Variants in ZBTB20 observed in about 807,000 individuals in gnomAD.
The protein encoded by ZBTB20 is zinc finger and BTB domain containing 20.
In ZBTB20, 9 loss-of-function variants were observed where a neutral mutation model predicts 56.9. The ratio of observed to expected loss-of-function variants is 0.16; its 90% CI spans 0.10 to 0.28. The LOEUF is 0.28. ZBTB20 is among the 10% of genes least tolerant of loss of function. The pLI is 1.00. For missense variants in ZBTB20, 655 were observed against 1,003.0 expected (o/e 0.65, Z 4.69); for synonymous variants, 417 against 420.7 (o/e 0.99, Z 0.11).
intron 6 of ZBTB20, among the ~76,000 whole-genome samples, chr3:114,504,526 A>G (rs561377621): frequency 6.6e-6 from 1 of 152,346 alleles, no homozygotes; most frequent in East Asian, 1.9e-4. Context: ...TACTTCTTCA[A>G]TGTTATACCA....
At chr3:114,583,325 A>C (rs1484410062) in intron 6 of ZBTB20, among the ~76,000 whole-genome samples, 1 of 152,232 alleles carries the variant, frequency 6.6e-6, no homozygotes, top group African/African-American at 2.4e-5. Flanking sequence ...GTTTCGCATA[A>C]GTGAAAAATA....
intron 2 of ZBTB20, 46 bp downstream of exon 2, chr3:115,071,173 A>G (rs2082396706): frequency 6.6e-6 from 1 of 152,176 alleles, no homozygotes; most frequent in Non-Finnish European, 1.5e-5. Context: ...TCATTTCACA[A>G]ATGACAAGGC....
chr3:114,422,828 G>A (rs958866166), intron 7 of ZBTB20, among the ~76,000 whole-genome samples: 3 of 152,044 alleles, frequency 2.0e-5, no homozygotes, highest in Non-Finnish European at 4.4e-5. Context: ...ATTGATGGAT[G>A]AGATGAAATT....
At chr3:114,479,528 T>A (rs2041282165) in intron 7 of ZBTB20, among the ~76,000 whole-genome samples, 1 of 152,244 alleles carries the variant, frequency 6.6e-6, no homozygotes, top group African/African-American at 2.4e-5. Flanking sequence ...GTTAGAAGTA[T>A]GGGCTCTAAA....
At chr3:115,119,349 A>G (rs2084115071) in intron 1 of ZBTB20, among the ~76,000 whole-genome samples, 2 of 152,200 alleles carry the variant, frequency 1.3e-5, no homozygotes. Context: ...GAGGGAAATA[A>G]AAGGACCTAT....
intron 1 of ZBTB20, among the ~76,000 whole-genome samples, chr3:115,111,253 C>G (rs1369346783): frequency 6.6e-6 from 1 of 151,920 alleles, no homozygotes; most frequent in African/African-American, 2.4e-5. Flanking sequence ...AGTATCTCAC[C>G]AGTTGAGAAA....
At position 114,689,510 on chromosome 3, in the gene ZBTB20, G is replaced by A. The variant is rs747860336; in HGVS notation, c.-295+4018C>T. On this transcript the variant is annotated intron_variant, in intron 6 of 11. Transcript: ENST00000675478. ...GAAATGTCTTATAGCTTGAGGATAC[G>A]TGAGGTCACAAATGTAACAACAACT... is the stretch of plus-strand genomic sequence containing the variant. Among the ~76,000 whole-genome samples the A allele has an allele frequency of 1.6e-4, 24 of 152,058 alleles. 1 individual carries two copies. The highest frequency in any genetic ancestry group is 3.2e-4 in the Non-Finnish European group (22 of 68,010).
At chr3:114,650,627 G>A (rs2060080260) in intron 6 of ZBTB20, among the ~76,000 whole-genome samples, 1 of 151,748 alleles carries the variant, frequency 6.6e-6, no homozygotes, top group African/African-American at 2.4e-5. Flanking sequence ...CTTTTTAAAG[G>A]TCTTGGACAT....
At chr3:114,414,792 AT>A (rs1349147784) in intron 7 of ZBTB20, among the ~76,000 whole-genome samples, 2 of 148,528 alleles carry the variant, frequency 1.3e-5, no homozygotes, top group African/African-American at 2.4e-5. Flanking sequence ...AATACTATAT[AT>A]TTTATATAAA....
chr3:114,919,691 C>A (rs1489878115), intron 3 of ZBTB20, among the ~76,000 whole-genome samples: 3 of 148,592 alleles, frequency 2.0e-5, no homozygotes, highest in Admixed American at 2.0e-4. Flanking sequence ...GGTGACAGAG[C>A]AAGACTCCAT....
chr3:114,607,122 G>T (rs73224524), intron 6 of ZBTB20, among the ~76,000 whole-genome samples: 2 of 111,596 alleles, frequency 1.8e-5, no homozygotes, highest in Non-Finnish European at 4.0e-5. Flanking sequence ...ATAAATAAAT[G>T]AATAAATTCT....
In ZBTB20 at chr3:114,703,744, C is replaced by G. The variant is rs925444145; in HGVS notation, c.-342-10169G>C. 3.9e-5 allele frequency among the ~76,000 whole-genome samples: 6 copies of G among 152,282 alleles called. 1 individual carries two copies. Among genetic ancestry groups the G allele is most frequent in the Admixed American group, 1.3e-4 (2 of 15,294 alleles). Reference sequence around the variant, plus strand: ...CACTAAAGACAATTGCAAGTGTCCCCATGACAATAACTTAACAATGGTCAC... The same window carrying G: ...CACTAAAGACAATTGCAAGTGTCCCGATGACAATAACTTAACAATGGTCAC... On this transcript the variant is annotated intron_variant, in intron 5 of 11. Coordinates refer to ENST00000675478, the MANE Select transcript of ZBTB20 (RefSeq NM_001348800.3).
intron 7 of ZBTB20, among the ~76,000 whole-genome samples, chr3:114,442,205 T>C (rs1245042538): frequency 2.6e-5 from 4 of 152,294 alleles, no homozygotes; most frequent in Non-Finnish European, 5.9e-5. Context: ...TATCCATCTC[T>C]ACAGCCTGTT....
intron 4 of ZBTB20, among the ~76,000 whole-genome samples, chr3:114,849,382 T>C (rs1579147805): frequency 6.6e-6 from 1 of 152,232 alleles, no homozygotes; most frequent in African/African-American, 2.4e-5. Context: ...ATTGGCTCTA[T>C]ATAAGCTAGT....
At chr3:114,934,099 T>C (rs191050704) in intron 3 of ZBTB20, among the ~76,000 whole-genome samples, 1 of 152,304 alleles carries the variant, frequency 6.6e-6, no homozygotes, top group Admixed American at 6.5e-5. Flanking sequence ...GTACTTGCCC[T>C]TTTCTGTCTC....
intron 7 of ZBTB20, among the ~76,000 whole-genome samples, chr3:114,417,073 G>A (rs2088635934): frequency 6.6e-6 from 1 of 152,048 alleles, no homozygotes; most frequent in African/African-American, 2.4e-5. Context: ...AAATATTAGT[G>A]TGTTGTAACA....
At chr3:114,921,865 A>AAT (rs926076745) in intron 3 of ZBTB20, among the ~76,000 whole-genome samples, 5 of 152,222 alleles carry the variant, frequency 3.3e-5, no homozygotes, top group South Asian at 2.1e-4. Context: ...AAGTATAATA[A>AAT]ATATACACAT....
intron 6 of ZBTB20, among the ~76,000 whole-genome samples, chr3:114,501,063 A>C (rs1002389777): frequency 6.6e-6 from 1 of 152,214 alleles, no homozygotes; most frequent in East Asian, 1.9e-4. Flanking sequence ...AATTCAATAC[A>C]TTCGTGTGTA....
chr3:115,005,338 A>T (rs572573403), intron 2 of ZBTB20, among the ~76,000 whole-genome samples: 3 of 151,786 alleles, frequency 2.0e-5, no homozygotes, highest in Non-Finnish European at 4.4e-5. Context: ...TTATCTGTAT[A>T]AATTTTTAAT....
Sources: allele counts gnomAD v4.1 joint callset (sites outside exome capture counted in the v4.1 genomes callset), GRCh38; gene constraint gnomAD v4.1.1; transcripts MANE v1.5; gene names NCBI Gene and HGNC (gene_info 2026-07-23, HGNC 2026-07-21).